The following EBF1 variants were observed in gnomAD, a reference collection of about 807,000 sequenced individuals.
EBF1 encodes transcription factor COE1.
EBF1 carries 10 observed loss-of-function variants against 68.4 expected under a neutral mutation model. The observed-to-expected ratio is 0.15, with a 90% CI of 0.09 to 0.25. The LOEUF (loss-of-function observed/expected upper bound fraction) is 0.25, where lower values mean the gene tolerates loss of function less well. Among genes scored for constraint, EBF1 ranks in the 10% least tolerant of loss-of-function variants. The pLI is 1.00. For synonymous variants in EBF1, 298 were observed against 299.8 expected, an observed-to-expected ratio of 0.99 and a Z score of 0.06; for missense variants, 509 against 794.4, an observed-to-expected ratio of 0.64 and a Z score of 4.32.
At chr5:158,979,793 G>A (rs969038323) in intron 6 of EBF1, among the ~76,000 whole-genome samples, 2 of 152,060 alleles carry the variant, frequency 1.3e-5, no homozygotes, top group Non-Finnish European at 2.9e-5. Context: ...GTGAAGAGAA[G>A]GCAGTAATAA....
intron 6 of EBF1, among the ~76,000 whole-genome samples, chr5:159,031,792 T>C (rs2127746165): frequency 6.6e-6 from 1 of 152,320 alleles, no homozygotes; most frequent in Non-Finnish European, 1.5e-5. Context: ...CAGAAGTCTC[T>C]GTTTCCCACA....
chr5:158,934,532 G>A (rs761958192), intron 6 of EBF1, among the ~76,000 whole-genome samples: 25 of 152,240 alleles, frequency 1.6e-4, no homozygotes, highest in Middle Eastern at 3.4e-3. Flanking sequence ...AAGGTTTTTC[G>A]TAGTTCAAAT....
chr5:158,700,045 G>T (rs1756389655), intron 15 of EBF1, among the ~76,000 whole-genome samples: 1 of 152,226 alleles, frequency 6.6e-6, no homozygotes, highest in South Asian at 2.1e-4. Flanking sequence ...TTGGAGAGGT[G>T]AATAAAATGA....
intron 6 of EBF1, among the ~76,000 whole-genome samples, chr5:159,057,387 C>T (rs1774971334): frequency 6.6e-6 from 1 of 152,202 alleles, no homozygotes; most frequent in Non-Finnish European, 1.5e-5. Flanking sequence ...GATTACTAAG[C>T]ATGAGCCACC....
At chr5:159,064,661 G>A (rs1329900909) in intron 6 of EBF1, among the ~76,000 whole-genome samples, 1 of 152,110 alleles carries the variant, frequency 6.6e-6, no homozygotes, top group Non-Finnish European at 1.5e-5. Flanking sequence ...AGCCAGATCA[G>A]GGCACTCCCA....
intron 6 of EBF1, among the ~76,000 whole-genome samples, chr5:159,021,744 TA>T (rs1766729231): frequency 6.6e-6 from 1 of 152,182 alleles, no homozygotes; most frequent in East Asian, 1.9e-4. Context: ...ACAATAAGGA[TA>T]TCCTTAAAGG....
chr5:158,803,651 A>AAATAAACAAATAAACTCAGCC (rs1304864641), intron 8 of EBF1, among the ~76,000 whole-genome samples: 1 of 151,860 alleles, frequency 6.6e-6, no homozygotes, highest in Non-Finnish European at 1.5e-5. Context: ...TGCTAACTCC[A>AAATAAACAAATAAACTCAGCC]AATAAACAAA....
At chr5:158,854,414 G>C (rs1166961241) in intron 6 of EBF1, among the ~76,000 whole-genome samples, 4 of 152,170 alleles carry the variant, frequency 2.6e-5, no homozygotes, top group Non-Finnish European at 5.9e-5. Flanking sequence ...TTTTCTCCCA[G>C]ACCTTTGGCA....
At chr5:158,749,894 C>T (rs1007556425) in intron 10 of EBF1, among the ~76,000 whole-genome samples, 3 of 152,098 alleles carry the variant, frequency 2.0e-5, no homozygotes, top group African/African-American at 7.2e-5. Context: ...AGTAGAGGTA[C>T]AGGTCCCACT....
intron 7 of EBF1, among the ~76,000 whole-genome samples, chr5:158,825,492 G>A (rs202208159): frequency 6.1e-5 from 9 of 147,394 alleles, no homozygotes; most frequent in African/African-American, 5.0e-5. Context: ...GTCTTAGGAG[G>A]AAAAAAAAAA....
intron 6 of EBF1, among the ~76,000 whole-genome samples, chr5:158,962,020 G>A (rs566913616): frequency 6.6e-6 from 1 of 152,258 alleles, no homozygotes; most frequent in East Asian, 1.9e-4. Flanking sequence ...CGATGCACAG[G>A]CCGATCAACC....
intron 8 of EBF1, among the ~76,000 whole-genome samples, chr5:158,818,451 C>T (rs1001688805): frequency 1.3e-5 from 2 of 152,144 alleles, no homozygotes; most frequent in Non-Finnish European, 1.5e-5. Context: ...AAGAACACCA[C>T]CATATTGTCA....
intron 4 of EBF1, among the ~76,000 whole-genome samples, chr5:159,088,937 A>G (rs542975770): frequency 6.6e-6 from 1 of 152,292 alleles, no homozygotes; most frequent in East Asian, 1.9e-4. Flanking sequence ...GCCAATGGCA[A>G]ATAAATCCCT....
At chr5:159,046,004 A>G (rs1772317088) in intron 6 of EBF1, among the ~76,000 whole-genome samples, 1 of 151,996 alleles carries the variant, frequency 6.6e-6, no homozygotes, top group Admixed American at 6.6e-5. Context: ...AATGACCAAG[A>G]CTTCATTATC....
intron 6 of EBF1, among the ~76,000 whole-genome samples, chr5:159,006,232 C>T (rs1763514281): frequency 6.6e-6 from 1 of 152,192 alleles, no homozygotes; most frequent in South Asian, 2.1e-4. Context: ...AAGAGTTACA[C>T]TTCCAAAAGA....
chr5:159,089,807 A>G (rs1203227110), intron 4 of EBF1, among the ~76,000 whole-genome samples: 1 of 151,912 alleles, frequency 6.6e-6, no homozygotes, highest in East Asian at 1.9e-4. Context: ...GAAGAAAGAA[A>G]GAAAGAAGGA....
intron 1 of EBF1, among the ~76,000 whole-genome samples, chr5:159,098,940 A>G (rs938326028): frequency 1.3e-5 from 2 of 151,964 alleles, no homozygotes; most frequent in African/African-American, 4.8e-5. Flanking sequence ...GAAAGAAAGA[A>G]AGAAAAAAGA....
At position 158,742,994 on chromosome 5, in the gene EBF1, C is replaced by T. The variant is rs1461967538; in HGVS notation, c.1037-11837G>A. ...AAGATGAAAAGAAAAAGATGTACAA[C>T]ATGCAAGTCCAGTGCCCTGTGAGTC... On this transcript the variant is annotated intron_variant, in intron 10 of 15. Coordinates refer to ENST00000313708, the MANE Select transcript of EBF1 (RefSeq NM_024007.5). Among the ~76,000 whole-genome samples the T allele has an allele frequency of 3.3e-5, 5 of 152,318 alleles. No individual in the cohort carries two copies. The East Asian group carries it at 9.6e-4, about 29-fold the overall frequency.
chr5:158,908,939 A>C (rs1805269035), intron 6 of EBF1, among the ~76,000 whole-genome samples: 1 of 152,160 alleles, frequency 6.6e-6, no homozygotes, highest in Admixed American at 6.6e-5. Context: ...CATCAATGCC[A>C]CTTTGTTCAG....
Sources: gnomAD v4.1 joint callset for allele counts (sites outside exome capture counted in the v4.1 genomes callset) on GRCh38, gnomAD v4.1.1 for gene constraint, MANE v1.5 for transcripts, NCBI Gene and HGNC (gene_info 2026-07-23, HGNC 2026-07-21) for gene names.